FREM1: variants seen among roughly 807,000 people sequenced by gnomAD.
FREM1 encodes the protein FRAS1-related extracellular matrix protein 1.
FREM1 carries 220 observed loss-of-function variants against 210.1 expected under a neutral mutation model. That is an observed-to-expected ratio of 1.05 (90% confidence interval 0.94 to 1.17). The LOEUF (loss-of-function observed/expected upper bound fraction) is 1.17. Ranked by LOEUF, FREM1 falls within the 50% of genes most tolerant of loss-of-function variation. The pLI is 0.00. For missense variants in FREM1, 3,454 were observed against 2,675.5 expected, an observed-to-expected ratio of 1.29 and a Z score of -6.42; for synonymous variants, 1,189 against 980.2, an observed-to-expected ratio of 1.21 and a Z score of -3.98.
chr9:14,837,219 C>T (rs564599651), intron 10 of FREM1, among the ~76,000 whole-genome samples: 4 of 152,282 alleles, frequency 2.6e-5, no homozygotes, highest in Non-Finnish European at 4.4e-5. Context: ...ACATGAATGA[C>T]ATGCCTGGTC....
At chr9:14,771,301 AT>A (rs372256620) in intron 25 of FREM1, among the ~76,000 whole-genome samples, 3 of 152,252 alleles carry the variant, frequency 2.0e-5, no homozygotes, top group African/African-American at 4.8e-5. Context: ...ATATATAGAA[AT>A]TTTTTTGGCA....
At chr9:14,756,745 T>C (rs1339235534) in intron 28 of FREM1, among the ~76,000 whole-genome samples, 1 of 152,216 alleles carries the variant, frequency 6.6e-6, no homozygotes, top group African/African-American at 2.4e-5. Flanking sequence ...TATATTTTTG[T>C]CTTTGTTGCA....
At chr9:14,739,009 C>CAAAAAAAAAA (rs386414499) in intron 36 of FREM1, among the ~76,000 whole-genome samples, 1 of 87,770 alleles carries the variant, frequency 1.1e-5, no homozygotes, top group African/African-American at 4.8e-5. Flanking sequence ...GATTCTGTCT[C>CAAAAAAAAAA]AAAAAAAAAA....
intron 1 of FREM1, among the ~76,000 whole-genome samples, chr9:14,890,729 T>C (rs1836667581): frequency 6.6e-6 from 1 of 152,180 alleles, no homozygotes; most frequent in African/African-American, 2.4e-5. Context: ...AAACCAGACG[T>C]CTGCCTGTTT....
intron 8 of FREM1, among the ~76,000 whole-genome samples, chr9:14,845,041 T>A (rs1004545051): frequency 7.2e-5 from 11 of 152,198 alleles, no homozygotes; most frequent in African/African-American, 2.7e-4. Flanking sequence ...ATTCCAGAAT[T>A]CCCTGCTCAC....
At chr9:14,814,626 G>C (rs982539140) in intron 15 of FREM1, among the ~76,000 whole-genome samples, 15 of 152,176 alleles carry the variant, frequency 9.9e-5, no homozygotes, top group African/African-American at 3.6e-4. Flanking sequence ...CAAGTCCCCT[G>C]AGTGAATTCA....
rs759576818 is a variant in FREM1, at chr9:14,746,411, T to C, written c.6196A>G (p.Ile2066Val). ...GWHQHSGYCH[I>V]LITEQKGTWN... ...GTGCCTTTCTGCTCTGTGATCAAGA[T>C]GTGACAGTAGCCTGAGTGCTGGTGC... Residue 2066 changes from isoleucine (I) to valine (V), a missense_variant, in exon 35 of 37, where the codon ATC (isoleucine) becomes GTC (valine). Coordinates refer to ENST00000380880, the MANE Select transcript of FREM1 (RefSeq NM_001379081.2). 3 of 1,613,802 alleles carry C rather than the reference T, an allele frequency of 1.9e-6. No homozygotes were observed. Among genetic ancestry groups the C allele is most frequent in the East Asian group, 2.2e-5 (1 of 44,890 alleles).
chr9:14,854,011 A>T (rs375564766), intron 5 of FREM1, among the ~76,000 whole-genome samples: 15 of 152,330 alleles, frequency 9.8e-5, no homozygotes, highest in African/African-American at 3.1e-4. Flanking sequence ...GCTAGAACTG[A>T]AATTGCAAAT....
At chr9:14,738,754 A>G (rs1840869521) in intron 36 of FREM1, among the ~76,000 whole-genome samples, 1 of 152,144 alleles carries the variant, frequency 6.6e-6, no homozygotes, top group South Asian at 2.1e-4. Flanking sequence ...TCATGCCTGC[A>G]ATTCCAGCAT....
chr9:14,874,173 G>T (rs887340070), intron 1 of FREM1, among the ~76,000 whole-genome samples: 2 of 152,214 alleles, frequency 1.3e-5, no homozygotes, highest in African/African-American at 4.8e-5. Flanking sequence ...TTCTGCAGAT[G>T]CCTATTAGGT....
At chr9:14,855,691 T>C (rs1408655427) in intron 5 of FREM1, among the ~76,000 whole-genome samples, 1 of 152,186 alleles carries the variant, frequency 6.6e-6, no homozygotes, top group African/African-American at 2.4e-5. Context: ...ATTACTTTTA[T>C]ATTCATAAAT....
intron 1 of FREM1, among the ~76,000 whole-genome samples, chr9:14,896,657 T>G (rs558395262): frequency 2.4e-4 from 37 of 152,298 alleles, no homozygotes; most frequent in Non-Finnish European, 8.8e-5. Context: ...GCTCTGTCTA[T>G]GGAGCAGCCA....
At chr9:14,861,884 C>T (rs546817381) in intron 3 of FREM1, among the ~76,000 whole-genome samples, 25 of 152,146 alleles carry the variant, frequency 1.6e-4, no homozygotes, top group Non-Finnish European at 3.5e-4. Flanking sequence ...TTGTTACTGA[C>T]GGTAGTCACC....
intron 6 of FREM1, 36 bp from the exon 7 acceptor site, chr9:14,848,809 A>T (rs1323794407): frequency 7.8e-7 from 1 of 1,281,862 alleles, no homozygotes; most frequent in Admixed American, 1.7e-5. Flanking sequence ...CCACACACTG[A>T]AGCGTTACAG....
rs112728192 is a variant in FREM1 at position 14,758,171 on chromosome 9, G to A, written c.5334+1601C>T. Reference sequence around the variant, plus strand: ...AGCAGCCAAGCTCTAGTGTAAGGCTGCAGGTTGTGCTCAGGGTAGAGTTGT... The same window carrying A: ...AGCAGCCAAGCTCTAGTGTAAGGCTACAGGTTGTGCTCAGGGTAGAGTTGT... On this transcript the variant is annotated intron_variant, in intron 28 of 36. Coordinates refer to ENST00000380880, the MANE Select transcript of FREM1 (RefSeq NM_001379081.2). 3.0e-3 allele frequency among the ~76,000 whole-genome samples: 457 copies of A among 152,302 alleles called. 6 individuals carry two copies. The highest frequency in any genetic ancestry group is 0.01 in the African/African-American group (434 of 41,554).
chr9:14,785,001 G>C (rs1361830673), intron 23 of FREM1, among the ~76,000 whole-genome samples: 1 of 152,214 alleles, frequency 6.6e-6, no homozygotes, highest in South Asian at 2.1e-4. Flanking sequence ...TTTGGAAAGA[G>C]TGTAAATTGG....
At chr9:14,753,844 C>A (rs986459732) in intron 29 of FREM1, among the ~76,000 whole-genome samples, 5 of 152,182 alleles carry the variant, frequency 3.3e-5, no homozygotes, top group Non-Finnish European at 5.9e-5. Flanking sequence ...AATTCTAAAA[C>A]AATGAACAGC....
At chr9:14,856,781 C>T (rs7858575) in intron 5 of FREM1, among the ~76,000 whole-genome samples, 8,183 of 148,660 alleles carry the variant, frequency 0.055, 717 homozygotes, top group African/African-American at 0.18. Flanking sequence ...TGCAGTGAGC[C>T]GACATTATTG....
intron 35 of FREM1, among the ~76,000 whole-genome samples, 152 bp from the exon 36 acceptor site, chr9:14,740,386 T>C (rs1425793129): frequency 6.6e-6 from 1 of 152,226 alleles, no homozygotes; most frequent in African/African-American, 2.4e-5. Flanking sequence ...CAGTTTTATT[T>C]AAAAAGTATC....
Sources: allele counts gnomAD v4.1 joint callset (sites outside exome capture counted in the v4.1 genomes callset), GRCh38; gene constraint gnomAD v4.1.1; transcripts MANE v1.5; gene names NCBI Gene and HGNC (gene_info 2026-07-23, HGNC 2026-07-21).